The following SLC44A5 variants were observed in gnomAD, a reference collection of about 807,000 sequenced individuals.
SLC44A5 encodes the protein solute carrier family 44 member 5, also known as choline transporter-like protein 5.
Under a neutral mutation model 101.8 loss-of-function variants are expected in SLC44A5, and 57 were observed. The ratio of observed to expected loss-of-function variants is 0.56; its 90% confidence interval spans 0.45 to 0.70. The LOEUF (loss-of-function observed/expected upper bound fraction) is 0.70. SLC44A5 is among the 30% of genes least tolerant of loss of function. The pLI, the probability that SLC44A5 is intolerant of heterozygous loss-of-function variation, is 0.00. For missense variants in SLC44A5, 737 were observed against 853.1 expected (o/e 0.86, Z 1.70); for synonymous variants, 281 against 290.9 (o/e 0.97, Z 0.35).
the SLC44A5 span, among the ~76,000 whole-genome samples, chr1:75,655,338 G>T: frequency 2.0e-5 from 3 of 152,308 alleles, no homozygotes; most frequent in East Asian, 5.8e-4. Context: ...GCACCAGGAA[G>T]AATTCTTCAG....
intron 12 of SLC44A5, among the ~76,000 whole-genome samples, chr1:75,229,805 T>C (rs1647391447): frequency 6.6e-6 from 1 of 152,216 alleles, no homozygotes; most frequent in Non-Finnish European, 1.5e-5. Flanking sequence ...AGCTGTTCAA[T>C]TGATATTTGT....
the SLC44A5 span, among the ~76,000 whole-genome samples, chr1:75,674,863 A>G: frequency 6.6e-6 from 1 of 152,354 alleles, no homozygotes. Context: ...TTTATTAAAT[A>G]GAGAATCCAT....
chr1:75,425,074 A>T (rs1664228671), intron 2 of SLC44A5, among the ~76,000 whole-genome samples: 1 of 152,196 alleles, frequency 6.6e-6, no homozygotes. Context: ...TTAAAATGTT[A>T]TCTTCATTTA....
the SLC44A5 span, among the ~76,000 whole-genome samples, chr1:75,681,120 A>G: frequency 2.0e-5 from 3 of 152,146 alleles, no homozygotes; most frequent in South Asian, 4.2e-4. Context: ...GAAATAATCA[A>G]TAGCTTACCA....
At chr1:75,380,907 G>T (rs543269763) in intron 3 of SLC44A5, among the ~76,000 whole-genome samples, 1 of 82,456 alleles carries the variant, frequency 1.2e-5, no homozygotes, top group South Asian at 3.6e-4. Flanking sequence ...TTTCCATTGG[G>T]TATCGTTATC....
At chr1:75,206,054 C>T (rs1488750189) in intron 23 of SLC44A5, 2 of 152,226 alleles carry the variant, frequency 1.3e-5, no homozygotes, top group African/African-American at 4.8e-5. Flanking sequence ...ACATTAACAT[C>T]TATGTTTGTT....
the SLC44A5 span, among the ~76,000 whole-genome samples, chr1:75,664,883 T>C: frequency 7.0e-6 from 1 of 143,834 alleles, no homozygotes; most frequent in Non-Finnish European, 1.5e-5. Context: ...ATTGCACCAC[T>C]GCACTCCAGG....
At chr1:75,389,320 C>T (rs751109467) in intron 3 of SLC44A5, among the ~76,000 whole-genome samples, 3 of 151,984 alleles carry the variant, frequency 2.0e-5, no homozygotes, top group Non-Finnish European at 2.9e-5. Context: ...CTTGACCAAC[C>T]GGACCTAAAA....
At chr1:75,447,602 A>G (rs1018095602) in intron 2 of SLC44A5, among the ~76,000 whole-genome samples, 2 of 152,178 alleles carry the variant, frequency 1.3e-5, no homozygotes, top group African/African-American at 4.8e-5. Context: ...AATAAAATCA[A>G]CTGTATTAAG....
At chr1:75,319,847 C>T (rs545676649) in intron 4 of SLC44A5, among the ~76,000 whole-genome samples, 8 of 152,200 alleles carry the variant, frequency 5.3e-5, no homozygotes, top group Admixed American at 5.2e-4. Context: ...AAAAAATAGA[C>T]TTAAGTAAAG....
At chr1:75,550,110 A>G (rs948277786) in intron 1 of SLC44A5, among the ~76,000 whole-genome samples, 1 of 152,154 alleles carries the variant, frequency 6.6e-6, no homozygotes, top group Non-Finnish European at 1.5e-5. Flanking sequence ...AGACATGTAT[A>G]CAAATGTTCA....
chr1:75,333,195 A>C (rs1337543906), intron 4 of SLC44A5, among the ~76,000 whole-genome samples: 1 of 152,212 alleles, frequency 6.6e-6, no homozygotes, highest in Non-Finnish European at 1.5e-5. Flanking sequence ...ACTTTTTTAT[A>C]AAGTCTCAAA....
upstream of SLC44A5, among the ~76,000 whole-genome samples, chr1:75,612,147 C>T (rs112449961): frequency 4.6e-5 from 7 of 152,172 alleles, no homozygotes; most frequent in African/African-American, 1.4e-4. Context: ...GAGAAAATAA[C>T]GTGAGTATAA....
At chr1:75,633,121 T>C in the SLC44A5 span, among the ~76,000 whole-genome samples, 1 of 152,220 alleles carries the variant, frequency 6.6e-6, no homozygotes, top group Non-Finnish European at 1.5e-5. Context: ...CAAATGTTTG[T>C]TGAATAAAGT....
At chr1:75,540,700 CA>C (rs1281986841) in intron 2 of SLC44A5, among the ~76,000 whole-genome samples, 1 of 152,018 alleles carries the variant, frequency 6.6e-6, no homozygotes, top group East Asian at 1.9e-4. Context: ...ACTTATGCCA[CA>C]TTTTTTTTTC....
intron 1 of SLC44A5, among the ~76,000 whole-genome samples, chr1:75,542,302 A>G (rs530506454): frequency 1.1e-3 from 165 of 152,240 alleles, no homozygotes; most frequent in African/African-American, 3.8e-3. Flanking sequence ...TAGATCTTCT[A>G]TGTATATTTT....
chr1:75,619,033 G>A, the SLC44A5 span, among the ~76,000 whole-genome samples: 2 of 135,606 alleles, frequency 1.5e-5, no homozygotes, highest in Non-Finnish European at 3.1e-5. Flanking sequence ...CTGCACCATT[G>A]CACTCCAGTC....
chr1:75,203,575 G>A lies in SLC44A5; in HGVS notation c.*152C>T. 1 of 832,954 alleles carries A rather than the reference G, an allele frequency of 1.2e-6. No homozygotes were observed. Among genetic ancestry groups the A allele is most frequent in the Admixed American group, 3.6e-5 (1 of 28,134 alleles). The allele number at this position is 832,954 out of a possible 1,614,324, so 51.6% of individuals were successfully genotyped here. On this transcript the variant is annotated 3_prime_UTR_variant, in exon 24 of 24. Transcript: ENST00000370859. ...ACTTCTGATGGCTTCACATAGTACA[G>A]TATAAGCTTTGGTATAAAACATGCA...
At chr1:75,331,907 C>T (rs1234494662) in intron 4 of SLC44A5, among the ~76,000 whole-genome samples, 2 of 152,156 alleles carry the variant, frequency 1.3e-5, no homozygotes, top group Non-Finnish European at 2.9e-5. Context: ...AAGAGATCTT[C>T]CTTCATCACC....
Sources: gnomAD v4.1 joint callset for allele counts (sites outside exome capture counted in the v4.1 genomes callset) on GRCh38, gnomAD v4.1.1 for gene constraint, MANE v1.5 for transcripts, NCBI Gene and HGNC (gene_info 2026-07-23, HGNC 2026-07-21) for gene names.